Variants in CLEC2A observed in about 807,000 individuals in gnomAD.
The protein encoded by CLEC2A is keratinocyte-associated C-type lectin.
CLEC2A carries 19 observed loss-of-function variants against 18.6 expected under a neutral mutation model. The observed-to-expected ratio is 1.02, with a 90% CI of 0.71 to 1.50. The LOEUF is 1.50. CLEC2A is among the 40% of genes most tolerant of loss of function. The pLI, the probability that CLEC2A is intolerant of heterozygous loss-of-function variation, is 0.00. For missense variants in CLEC2A, 190 were observed against 207.9 expected (o/e 0.91, Z 0.53); for synonymous variants, 74 against 64.0 (o/e 1.16, Z -0.75).
At chr12:9,897,902 A>C (rs1862774917), downstream of CLEC2A, among the ~76,000 whole-genome samples, 1 of 152,180 alleles carries the variant, frequency 6.6e-6, no homozygotes, top group African/African-American at 2.4e-5. Context: ...CTTTCTAAGC[A>C]TTTGGTGGAA....
chr12:9,896,220 T>C (rs1311002723), downstream of CLEC2A, among the ~76,000 whole-genome samples: 2 of 152,184 alleles, frequency 1.3e-5, no homozygotes. Flanking sequence ...ACAAATATAA[T>C]ATTTGAAGCA....
chr12:9,903,805 G>T (rs1862868992), intron 4 of CLEC2A, among the ~76,000 whole-genome samples: 1 of 152,136 alleles, frequency 6.6e-6, no homozygotes. Context: ...GCAATTATTT[G>T]ATTTTGGGAC....
chr12:9,920,658 C>G lies in CLEC2A; in HGVS notation c.306+1408G>C, dbSNP rs140350288. Among the ~76,000 whole-genome samples the G allele has an allele frequency of 3.9e-5, 6 of 152,266 alleles. No homozygotes were observed. In the East Asian group the frequency reaches 1.2e-3, roughly 29 times the overall value. On this transcript the variant is annotated intron_variant, in intron 3 of 4. Transcript: ENST00000455827. ...ATTTACTCACCCCTTCAGTTCCTCT[C>G]TTTGAGAGCTGCGCACTCCAGCTAC...
the CLEC2A span, chr12:9,881,434 G>A: frequency 1.8e-6 from 1 of 557,648 alleles, no homozygotes; most frequent in South Asian, 2.5e-5. Context: ...CACATCCTGT[G>A]TGGTTTTAGA....
At chr12:9,886,703 G>C in the CLEC2A span, among the ~76,000 whole-genome samples, 6 of 143,872 alleles carry the variant, frequency 4.2e-5, no homozygotes, top group African/African-American at 1.5e-4. Context: ...TGCTCTTTTT[G>C]ATTGGTGTCT....
In CLEC2A at chr12:9,922,297, G is replaced by A; in HGVS notation, c.140-65C>T. 4.4e-6 allele frequency: 6 copies of A among 1,351,392 alleles called. No homozygotes were observed. In the African/African-American group the frequency reaches 4.5e-5, roughly 10 times the overall value. The allele number at this position is 1,351,392 out of a possible 1,614,324, so 83.7% of individuals were successfully genotyped here. A position where few individuals can be genotyped will look rare whatever the true frequency, so the allele number is the denominator to read the frequency against. ...TTAAAAAGTGTTTCTACTCATTCAG[G>A]TGTATTAATTTTACTTTTTGCTTCC... On this transcript the variant is annotated intron_variant, in intron 2 of 4. Coordinates refer to ENST00000455827, the MANE Select transcript of CLEC2A (RefSeq NM_001130711.2).
the CLEC2A span, among the ~76,000 whole-genome samples, chr12:9,879,710 T>C: frequency 6.6e-6 from 1 of 152,198 alleles, no homozygotes; most frequent in African/African-American, 2.4e-5. Context: ...CTGTTCCTGG[T>C]GAAAAGTAGG....
chr12:9,887,814 G>T, the CLEC2A span, among the ~76,000 whole-genome samples: 197 of 150,880 alleles, frequency 1.3e-3, no homozygotes, highest in African/African-American at 4.7e-3. Flanking sequence ...CACTTTGGGA[G>T]GCCAAGGCAG....
chr12:9,930,212 G>A (rs913798888), intron 1 of CLEC2A, among the ~76,000 whole-genome samples: 1 of 151,944 alleles, frequency 6.6e-6, no homozygotes, highest in Admixed American at 6.6e-5. Context: ...CCTTTTTTAT[G>A]AGAACACCAG....
chr12:9,904,429 C>T (rs142428436), intron 4 of CLEC2A, among the ~76,000 whole-genome samples: 225 of 152,278 alleles, frequency 1.5e-3, no homozygotes, highest in African/African-American at 5.3e-3. Context: ...AATATTTAAT[C>T]CTTTCCAGCC....
downstream of CLEC2A, among the ~76,000 whole-genome samples, chr12:9,910,704 T>G (rs1591788243): frequency 6.6e-6 from 1 of 151,526 alleles, no homozygotes; most frequent in South Asian, 2.1e-4. Flanking sequence ...GTCCTGTGCA[T>G]AGAGTTACCT....
Position 9,913,687 on chromosome 12 carries a change from A to T in CLEC2A, c.411-7T>A. 1 of 1,524,356 alleles carries T rather than the reference A, an allele frequency of 6.6e-7. No homozygotes were observed. Among genetic ancestry groups the T allele is most frequent in the Admixed American group, 2.0e-5 (1 of 49,896 alleles). The allele number at this position is 1,524,356 out of a possible 1,614,324, so 94.4% of individuals were successfully genotyped here. A position where few individuals can be genotyped will look rare whatever the true frequency, so the allele number is the denominator to read the frequency against. On this transcript the variant is annotated splice_polypyrimidine_tract_variant and splice_region_variant and intron_variant, in intron 4 of 4. Coordinates refer to ENST00000455827, the MANE Select transcript of CLEC2A (RefSeq NM_001130711.2). ...GTTCCCTATAATTTCAAACCTGAAA[A>T]AGAACACTCTAAATCAGTCTGGGAA... is the stretch of plus-strand genomic sequence containing the variant.
the CLEC2A span, among the ~76,000 whole-genome samples, chr12:9,890,222 T>G: frequency 6.6e-6 from 1 of 152,210 alleles, no homozygotes; most frequent in Non-Finnish European, 1.5e-5. Flanking sequence ...ACTCCTGCAT[T>G]TGTTTTTGAT....
At chr12:9,887,265 T>C in the CLEC2A span, among the ~76,000 whole-genome samples, 2 of 151,902 alleles carry the variant, frequency 1.3e-5, no homozygotes, top group Non-Finnish European at 2.9e-5. Flanking sequence ...AGATAATACA[T>C]AGAAAGAGAT....
rs1863016224 is a variant in CLEC2A at position 9,913,356 on chromosome 12, T to C, written c.*210A>G. ...CATGAGGATGGAGCCATAGTAAATG[T>C]GATTGTGCCCTTATAAAAGGCTCCA... On this transcript the variant is annotated 3_prime_UTR_variant, in exon 5 of 5. Transcript: ENST00000455827. The C allele has an allele frequency of 2.8e-6, 2 of 715,200 alleles. No homozygotes were observed. Among genetic ancestry groups the C allele is most frequent in the Non-Finnish European group, 4.1e-6 (2 of 482,134 alleles). 44.3% of individuals were successfully genotyped at this position (715,200 alleles called of 1,614,324 possible).
At chr12:9,919,631 A>G (rs1863131918) in intron 3 of CLEC2A, among the ~76,000 whole-genome samples, 1 of 151,922 alleles carries the variant, frequency 6.6e-6, no homozygotes, top group Non-Finnish European at 1.5e-5. Context: ...GGCCTGGAGG[A>G]CCCTCCTGGT....
chr12:9,930,823 T>C (rs955735528), intron 1 of CLEC2A, among the ~76,000 whole-genome samples: 3 of 152,110 alleles, frequency 2.0e-5, no homozygotes, highest in African/African-American at 7.2e-5. Flanking sequence ...TTTTATTTTA[T>C]ATTTTCTAAC....
chr12:9,902,988 A>T (rs936190090), intron 4 of CLEC2A, among the ~76,000 whole-genome samples: 22 of 152,136 alleles, frequency 1.4e-4, no homozygotes, highest in African/African-American at 5.1e-4. Context: ...CTTTTTCTGA[A>T]TAAGGAAAGG....
In CLEC2A at chr12:9,913,988, T is replaced by A. The variant is rs112806397; in HGVS notation, c.411-308A>T. ...CTTCCATTCTTCCTTCCTTCCTTGGTTCTTTCCTTCCTTTCTTCTTTCTTT... is the reference window on the plus strand; with the variant it reads ...CTTCCATTCTTCCTTCCTTCCTTGGATCTTTCCTTCCTTTCTTCTTTCTTT... On this transcript the variant is annotated intron_variant, in intron 4 of 4. Coordinates refer to ENST00000455827, the MANE Select transcript of CLEC2A (RefSeq NM_001130711.2). 2.2e-3 allele frequency among the ~76,000 whole-genome samples: 334 copies of A among 152,314 alleles called. 2 individuals carry two copies. Among genetic ancestry groups the A allele is most frequent in the African/African-American group, 7.4e-3 (307 of 41,574 alleles).
Sources: allele counts gnomAD v4.1 joint callset (sites outside exome capture counted in the v4.1 genomes callset), GRCh38; gene constraint gnomAD v4.1.1; transcripts MANE v1.5; gene names NCBI Gene and HGNC (gene_info 2026-07-23, HGNC 2026-07-21).